The following ROBO2 variants were observed in gnomAD, a reference collection of about 807,000 sequenced individuals.
ROBO2 encodes roundabout guidance receptor 2.
ROBO2 carries 53 observed loss-of-function variants against 160.8 expected under a neutral mutation model. The observed-to-expected ratio is 0.33, with a 90% confidence interval of 0.26 to 0.41. The LOEUF is 0.41. ROBO2 is among the 10% of genes least tolerant of loss of function. The pLI, the probability that ROBO2 is intolerant of heterozygous loss-of-function variation, is 1.00. For missense variants in ROBO2, 1,577 were observed against 1,722.4 expected, an observed-to-expected ratio of 0.92 and a Z score of 1.49; for synonymous variants, 664 against 611.7, an observed-to-expected ratio of 1.09 and a Z score of -1.26.
intron 2 of ROBO2, among the ~76,000 whole-genome samples, chr3:75,970,390 A>C (rs1178455361): frequency 1.3e-5 from 2 of 151,516 alleles, no homozygotes; most frequent in African/African-American, 4.8e-5. Flanking sequence ...ATGATTTTTA[A>C]GTTGTGTGAG....
At chr3:77,509,952 A>G (rs1275791137) in intron 5 of ROBO2, among the ~76,000 whole-genome samples, 1 of 151,992 alleles carries the variant, frequency 6.6e-6, no homozygotes, top group Middle Eastern at 3.2e-3. Flanking sequence ...GGCTAAAGGG[A>G]GAGAGAGGTG....
At position 76,934,287 on chromosome 3, in the gene ROBO2, T is replaced by C. The variant is rs2077542429; in HGVS notation, c.110-163727T>C. 2.0e-5 allele frequency among the ~76,000 whole-genome samples: 3 copies of C among 151,856 alleles called. No individual in the cohort carries two copies. In the South Asian group the frequency reaches 6.2e-4, roughly 31 times the overall value. Reference sequence around the variant, plus strand: ...GCCTTTAAGCCGTCAAATCAGAAAATGTTTCTTTCAAAACGTGATGATTCT... The same window carrying C: ...GCCTTTAAGCCGTCAAATCAGAAAACGTTTCTTTCAAAACGTGATGATTCT... On this transcript the variant is annotated intron_variant, in intron 2 of 26. Transcript: ENST00000487694.
intron 2 of ROBO2, among the ~76,000 whole-genome samples, chr3:76,661,099 A>T (rs1026059918): frequency 1.3e-5 from 2 of 152,188 alleles, no homozygotes; most frequent in African/African-American, 4.8e-5. Context: ...AAACCATAAA[A>T]ACCACATTAT....
chr3:76,235,719 T>C (rs1704902606), intron 2 of ROBO2, among the ~76,000 whole-genome samples: 1 of 152,242 alleles, frequency 6.6e-6, no homozygotes, highest in South Asian at 2.1e-4. Flanking sequence ...AGAGAAAAGT[T>C]CCATAGCCAT....
chr3:76,144,031 C>G (rs562073650), intron 2 of ROBO2, among the ~76,000 whole-genome samples: 2 of 152,042 alleles, frequency 1.3e-5, no homozygotes, highest in Middle Eastern at 3.4e-3. Context: ...ATCAGCTTCA[C>G]TCAGTCTACT....
intron 2 of ROBO2, among the ~76,000 whole-genome samples, chr3:76,252,565 C>T (rs1226252807): frequency 6.6e-6 from 1 of 150,678 alleles, no homozygotes; most frequent in Non-Finnish European, 1.5e-5. Flanking sequence ...TACATATGCA[C>T]ACACACATAT....
At chr3:76,909,844 T>C (rs987136198) in intron 2 of ROBO2, among the ~76,000 whole-genome samples, 2 of 152,220 alleles carry the variant, frequency 1.3e-5, no homozygotes, top group African/African-American at 2.4e-5. Context: ...ATTTTTACAT[T>C]TCTTCTCCTT....
At chr3:76,096,273 C>T (rs1177210986) in intron 2 of ROBO2, among the ~76,000 whole-genome samples, 2 of 152,022 alleles carry the variant, frequency 1.3e-5, no homozygotes, top group African/African-American at 4.8e-5. Context: ...TCATAAATAA[C>T]TTTGAGATAA....
At chr3:76,587,739 C>G (rs1291034505) in intron 2 of ROBO2, among the ~76,000 whole-genome samples, 1 of 152,150 alleles carries the variant, frequency 6.6e-6, no homozygotes, top group African/African-American at 2.4e-5. Context: ...TTTTTAAAAA[C>G]CTGAATGAGT....
chr3:76,403,781 A>G (rs2108777861), intron 2 of ROBO2, among the ~76,000 whole-genome samples: 1 of 151,720 alleles, frequency 6.6e-6, no homozygotes, highest in South Asian at 2.1e-4. Context: ...TTTTCCTTTC[A>G]TCCAAAATGC....
chr3:76,057,062 A>T (rs1287178981), intron 2 of ROBO2, among the ~76,000 whole-genome samples: 1 of 152,264 alleles, frequency 6.6e-6, no homozygotes, highest in Non-Finnish European at 1.5e-5. Context: ...AGTTAGAAAC[A>T]AAATGAGATC....
At chr3:77,454,388 A>G (rs899378578) in intron 2 of ROBO2, among the ~76,000 whole-genome samples, 1 of 152,114 alleles carries the variant, frequency 6.6e-6, no homozygotes, top group Non-Finnish European at 1.5e-5. Context: ...CATATAGGTC[A>G]TGCCCTTATG....
intron 2 of ROBO2, among the ~76,000 whole-genome samples, chr3:76,692,889 C>A (rs2092833479): frequency 6.6e-6 from 1 of 151,594 alleles, no homozygotes; most frequent in African/African-American, 2.4e-5. Flanking sequence ...ATAACTCTCT[C>A]TCTCTCTCTC....
intron 5 of ROBO2, among the ~76,000 whole-genome samples, chr3:77,521,633 G>T (rs1320839599): frequency 6.6e-6 from 1 of 151,186 alleles, no homozygotes; most frequent in Non-Finnish European, 1.5e-5. Flanking sequence ...GGAAGAGTAA[G>T]GGTAGTTAAG....
chr3:76,175,185 C>A (rs569851876), intron 2 of ROBO2, among the ~76,000 whole-genome samples: 1 of 151,582 alleles, frequency 6.6e-6, no homozygotes, highest in African/African-American at 2.4e-5. Context: ...TGTATAGGAA[C>A]GCTTGTGATT....
intron 21 of ROBO2, among the ~76,000 whole-genome samples, chr3:77,615,377 G>T (rs945592080): frequency 6.6e-6 from 1 of 152,058 alleles, no homozygotes; most frequent in South Asian, 2.1e-4. Context: ...TTTACATTAG[G>T]GTTCTCTCTG....
chr3:76,492,670 A>G (rs1422147229), intron 2 of ROBO2, among the ~76,000 whole-genome samples: 1 of 151,984 alleles, frequency 6.6e-6, no homozygotes, highest in Non-Finnish European at 1.5e-5. Context: ...TGATTTGTCC[A>G]TCGTCTTGTA....
intron 2 of ROBO2, among the ~76,000 whole-genome samples, chr3:76,381,151 G>A (rs2076602956): frequency 6.6e-6 from 1 of 151,806 alleles, no homozygotes; most frequent in African/African-American, 2.4e-5. Context: ...TGAACCAAAA[G>A]TGCTCTCTTC....
At chr3:76,756,413 A>G (rs902569350) in intron 2 of ROBO2, among the ~76,000 whole-genome samples, 1 of 151,902 alleles carries the variant, frequency 6.6e-6, no homozygotes, top group Non-Finnish European at 1.5e-5. Context: ...AAGTATGTCT[A>G]TTCTTGTAAC....
Sources: allele counts gnomAD v4.1 joint callset (sites outside exome capture counted in the v4.1 genomes callset), GRCh38; gene constraint gnomAD v4.1.1; transcripts MANE v1.5; gene names NCBI Gene and HGNC (gene_info 2026-07-23, HGNC 2026-07-21).